IQSEC1: variants seen among roughly 807,000 people sequenced by gnomAD.
IQSEC1 encodes the protein IQ motif and Sec7 domain ArfGEF 1.
In IQSEC1, 31 loss-of-function variants were observed where a neutral mutation model predicts 91.0. That is an observed-to-expected ratio of 0.34 (90% CI 0.26 to 0.46). IQSEC1 has a LOEUF of 0.46. IQSEC1 is among the 20% of genes least tolerant of loss of function. The probability of loss-of-function intolerance (pLI) is 1.00; values close to 1 mark genes in which losing one functional copy is unlikely to be tolerated. For missense variants in IQSEC1, 1,388 were observed against 1,575.6 expected (o/e 0.88, Z 2.02); for synonymous variants, 699 against 662.6 (o/e 1.05, Z -0.84).
At chr3:12,910,618 T>G (rs1430397493) in intron 10 of IQSEC1, among the ~76,000 whole-genome samples, 1 of 152,186 alleles carries the variant, frequency 6.6e-6, no homozygotes. Flanking sequence ...GCCATGCCCC[T>G]TGTTGGGCAC....
intron 1 of IQSEC1, among the ~76,000 whole-genome samples, chr3:13,223,057 C>T (rs1362671337): frequency 6.6e-6 from 1 of 152,230 alleles, no homozygotes; most frequent in African/African-American, 2.4e-5. Flanking sequence ...TTCTAGAAGG[C>T]TCTGCCATCG....
At chr3:13,078,301 T>C (rs923981), upstream of IQSEC1, among the ~76,000 whole-genome samples, 55,042 of 151,914 alleles carry the variant, frequency 0.36, 10,176 homozygotes, top group Middle Eastern at 0.55. Flanking sequence ...GGCGGTGTAA[T>C]GTGAGCGAGA....
At chr3:13,271,910 T>C (rs768900328) in intron 1 of IQSEC1, among the ~76,000 whole-genome samples, 4 of 152,176 alleles carry the variant, frequency 2.6e-5, no homozygotes, top group African/African-American at 9.7e-5. Context: ...CAAGGAAATA[T>C]AAGACACAAA....
At chr3:13,217,045 C>T (rs1489790952) in intron 1 of IQSEC1, among the ~76,000 whole-genome samples, 3 of 152,158 alleles carry the variant, frequency 2.0e-5, no homozygotes, top group Non-Finnish European at 4.4e-5. Context: ...GGACATTCTC[C>T]CCCATTACAG....
At chr3:13,237,001 C>A (rs938956248) in intron 1 of IQSEC1, among the ~76,000 whole-genome samples, 3 of 152,232 alleles carry the variant, frequency 2.0e-5, no homozygotes, top group Admixed American at 1.3e-4. Flanking sequence ...AACACCTGCC[C>A]GAGGAGGGGC....
At chr3:13,011,966 T>C (rs534819846) in intron 1 of IQSEC1, among the ~76,000 whole-genome samples, 123 of 152,302 alleles carry the variant, frequency 8.1e-4, no homozygotes, top group Admixed American at 6.7e-3. Flanking sequence ...GAAGGGTGGT[T>C]TGTTCCAGCA....
chr3:13,157,695 C>T (rs534703713), intron 2 of IQSEC1, among the ~76,000 whole-genome samples: 7 of 152,340 alleles, frequency 4.6e-5, no homozygotes, highest in Non-Finnish European at 7.3e-5. Context: ...CTACAAGCAG[C>T]TGCTACCACC....
At chr3:13,113,958 A>T (rs766395841) in intron 2 of IQSEC1, among the ~76,000 whole-genome samples, 6 of 152,272 alleles carry the variant, frequency 3.9e-5, no homozygotes, top group Non-Finnish European at 8.8e-5. Flanking sequence ...TGCTGGGAGC[A>T]CAGAGCCAAC....
chr3:13,173,465 G>C (rs1693657646), intron 1 of IQSEC1, among the ~76,000 whole-genome samples: 1 of 152,234 alleles, frequency 6.6e-6, no homozygotes, highest in Non-Finnish European at 1.5e-5. Context: ...GCCCAGAGCA[G>C]ACTTGGCTGG....
intron 1 of IQSEC1, among the ~76,000 whole-genome samples, chr3:13,171,115 A>AC (rs1387218041): frequency 6.6e-6 from 1 of 151,904 alleles, no homozygotes; most frequent in African/African-American, 2.4e-5. Flanking sequence ...AACAAAAAAA[A>AC]CAAAAAAAGA....
chr3:12,991,756 A>G (rs1702001083), intron 1 of IQSEC1, among the ~76,000 whole-genome samples: 1 of 152,238 alleles, frequency 6.6e-6, no homozygotes, highest in Admixed American at 6.5e-5. Flanking sequence ...TGTGTGCAGG[A>G]AAGCTGAGGA....
chr3:13,204,269 G>A (rs1030671947), intron 1 of IQSEC1, among the ~76,000 whole-genome samples: 2 of 152,266 alleles, frequency 1.3e-5, no homozygotes, highest in East Asian at 3.8e-4. Context: ...CAGCGCGGGC[G>A]CCAGCGCCAG....
At chr3:13,135,841 T>C (rs1484537482) in intron 2 of IQSEC1, among the ~76,000 whole-genome samples, 1 of 152,158 alleles carries the variant, frequency 6.6e-6, no homozygotes. Flanking sequence ...GAGGGCCCTA[T>C]TCCTCTGCTG....
In IQSEC1 at chr3:12,900,996, C is replaced by T. The variant is rs1397182557; in HGVS notation, c.3332G>A (p.Ser1111Asn). Residue 1111 changes from serine (S) to asparagine (N), a missense_variant, in exon 14 of 14, where the codon AGC becomes AAC. Transcript: ENST00000613206. ...TSSKAKPSGI[S>N]TIV ...TACCCAGGCTGTCTACACAATTGTGCTGATGCCGCTGGGTTTGGCCTTGCT... is the reference window on the plus strand; with the variant it reads ...TACCCAGGCTGTCTACACAATTGTGTTGATGCCGCTGGGTTTGGCCTTGCT... 1 of 1,544,554 alleles carries T rather than the reference C, an allele frequency of 6.5e-7. No homozygotes were observed. Among genetic ancestry groups the T allele is most frequent in the Non-Finnish European group, 8.7e-7 (1 of 1,146,610 alleles).
chr3:13,281,328 G>C (rs1033869895), intron 1 of IQSEC1, among the ~76,000 whole-genome samples: 1 of 152,152 alleles, frequency 6.6e-6, no homozygotes, highest in African/African-American at 2.4e-5. Context: ...GCCAGGAGTG[G>C]GGCCCAGACA....
chr3:12,969,046 G>C (rs1275083213), intron 1 of IQSEC1, among the ~76,000 whole-genome samples: 2 of 152,186 alleles, frequency 1.3e-5, no homozygotes, highest in Non-Finnish European at 2.9e-5. Flanking sequence ...TCCGAGGCAA[G>C]AGGCTGAGCA....
Position 12,899,665 on chromosome 3 carries a change from G to A in IQSEC1, c.*1318C>T, listed in dbSNP as rs143579961. On this transcript the variant is annotated 3_prime_UTR_variant, in exon 14 of 14. Coordinates refer to ENST00000613206, the MANE Select transcript of IQSEC1 (RefSeq NM_001134382.3). ...GGACACAGGGGTTCTGCTAGCACAT[G>A]GCTACATGGAATTACGGTGATCACT... The A allele has an allele frequency of 4.1e-6, 4 of 985,426 alleles. No homozygotes were observed. Among genetic ancestry groups the A allele is most frequent in the Non-Finnish European group, 4.8e-6 (4 of 829,928 alleles). 61.0% of individuals were successfully genotyped at this position (985,426 alleles called of 1,614,324 possible).
intron 12 of IQSEC1, among the ~76,000 whole-genome samples, chr3:12,907,337 G>C (rs1178247859): frequency 3.3e-5 from 5 of 152,220 alleles, no homozygotes; most frequent in Non-Finnish European, 2.9e-5. Flanking sequence ...GTGCGGGAGG[G>C]AGTCCTAAGG....
intron 2 of IQSEC1, among the ~76,000 whole-genome samples, chr3:13,123,866 T>G (rs1706466715): frequency 6.6e-6 from 1 of 152,236 alleles, no homozygotes; most frequent in African/African-American, 2.4e-5. Flanking sequence ...TATGACAGGA[T>G]TTAGCATATG....
Sources: gnomAD v4.1 joint callset for allele counts (sites outside exome capture counted in the v4.1 genomes callset) on GRCh38, gnomAD v4.1.1 for gene constraint, MANE v1.5 for transcripts, NCBI Gene and HGNC (gene_info 2026-07-23, HGNC 2026-07-21) for gene names.